The following NMD3 variants were observed in gnomAD, a reference collection of about 807,000 sequenced individuals.
NMD3 encodes the protein NMD3 ribosome export adaptor.
A neutral mutation model predicts 73.1 loss-of-function variants in NMD3; 47 were observed. The ratio of observed to expected loss-of-function variants is 0.64; its 90% CI spans 0.51 to 0.82. The LOEUF (loss-of-function observed/expected upper bound fraction) is 0.82. Ranked by LOEUF, NMD3 falls within the 40% of genes least tolerant of loss-of-function variation. The probability of loss-of-function intolerance (pLI) is 0.00; values close to 1 mark genes in which losing one functional copy is unlikely to be tolerated. For synonymous variants in NMD3, 210 were observed against 194.5 expected (o/e 1.08, Z -0.66); for missense variants, 554 against 612.5 (o/e 0.90, Z 1.01).
intron 10 of NMD3, among the ~76,000 whole-genome samples, chr3:161,241,522 G>A (rs1013475419): frequency 6.6e-6 from 1 of 150,376 alleles, no homozygotes; most frequent in African/African-American, 2.4e-5. Flanking sequence ...CCAGGTTCAA[G>A]CTATTCTCCT....
chr3:161,235,136 A>T lies in NMD3; in HGVS notation c.501A>T (p.Lys167Asn). ...TTATATTTTAGACTTTGCATAAAAAAACTTTCTACTATCTGGAACAGTTAA... is the reference window on the plus strand; with the variant it reads ...TTATATTTTAGACTTTGCATAAAAATACTTTCTACTATCTGGAACAGTTAA... ...IQVRQKTLHK[K>N]TFYYLEQLIL... The change falls in exon 7 of 16, where the codon AAA becomes AAT. Residue 167 changes from lysine to asparagine, a missense_variant. Physicochemically the swap from Lys to Asn is moderately conservative, Grantham distance 94. Transcript: ENST00000351193. The T allele has an allele frequency of 1.3e-6, 2 of 1,516,274 alleles. No homozygotes were observed. The highest frequency in any genetic ancestry group is 1.8e-6 in the Non-Finnish European group (2 of 1,109,096). 93.9% of individuals were successfully genotyped at this position (1,516,274 alleles called of 1,614,324 possible).
At chr3:161,224,242 C>T (rs1211695377) in intron 2 of NMD3, among the ~76,000 whole-genome samples, 1 of 152,138 alleles carries the variant, frequency 6.6e-6, no homozygotes, top group Non-Finnish European at 1.5e-5. Context: ...TTGAGTTTCT[C>T]AGTTGTACTA....
chr3:161,234,062 G>A (rs1736645022), intron 5 of NMD3, among the ~76,000 whole-genome samples: 1 of 152,070 alleles, frequency 6.6e-6, no homozygotes, highest in African/African-American at 2.4e-5. Flanking sequence ...TATTTAAAAA[G>A]CTTCCCATGT....
At chr3:161,241,359 AAC>A (rs1178527851) in intron 10 of NMD3, among the ~76,000 whole-genome samples, 196 bp downstream of exon 10, 7 of 152,114 alleles carry the variant, frequency 4.6e-5, no homozygotes, top group African/African-American at 1.7e-4. Context: ...TATTTAAAGA[AAC>A]AATTCTGTTA....
In NMD3 at chr3:161,246,880, CAA is replaced by C. The variant is rs370618538; in HGVS notation, c.1131-376_1131-375del. 4.1e-3 allele frequency among the ~76,000 whole-genome samples: 627 copies of C among 151,558 alleles called. 5 individuals are homozygous for C. The highest frequency in any genetic ancestry group is 0.015 in the African/African-American group (606 of 41,356). On this transcript the variant is annotated intron_variant, in intron 12 of 15. Transcript: ENST00000351193. The stretch of plus-strand genomic sequence containing the variant: ...TTCAGTGAGTGTGTGATTAAACCCT[CAA>C]ATATTGCTTTTGCTTTTAGGATTTC...
chr3:161,236,535 T>C (rs1301202103), intron 7 of NMD3, among the ~76,000 whole-genome samples: 1 of 152,138 alleles, frequency 6.6e-6, no homozygotes, highest in African/African-American at 2.4e-5. Flanking sequence ...TCTATATTCT[T>C]AATGGTGTCC....
intron 11 of NMD3, among the ~76,000 whole-genome samples, chr3:161,244,390 A>G (rs534290080): frequency 6.6e-6 from 1 of 152,254 alleles, no homozygotes; most frequent in East Asian, 1.9e-4. Flanking sequence ...TGGCCTCCCA[A>G]AGTGTTGGGA....
chr3:161,236,420 AT>A (rs948076648), intron 7 of NMD3, among the ~76,000 whole-genome samples: 24 of 152,016 alleles, frequency 1.6e-4, no homozygotes, highest in Non-Finnish European at 2.9e-5. Flanking sequence ...TTTAATTTCC[AT>A]TTTGCTAATG....
At position 161,246,669 on chromosome 3, in the gene NMD3, G is replaced by A. The variant is rs369690585; in HGVS notation, c.1130+221G>A. ...TTATAATCTTAAAGAGTAATTTGTT[G>A]TAAGATTTTGTTAATTGAGCCTTGA... On this transcript the variant is annotated intron_variant, in intron 12 of 15. Coordinates refer to ENST00000351193, the MANE Select transcript of NMD3 (RefSeq NM_015938.5). 1.2e-3 allele frequency among the ~76,000 whole-genome samples: 179 copies of A among 152,264 alleles called. 3 individuals are homozygous for A. In the South Asian group the frequency reaches 0.036, roughly 31 times the overall value.
intron 2 of NMD3, 21 bp from the exon 3 acceptor site, chr3:161,224,909 T>G (rs199889318): frequency 6.4e-7 from 1 of 1,554,362 alleles, no homozygotes; most frequent in African/African-American, 1.4e-5. Context: ...ATGTGAAAAA[T>G]TTATCCTTTA....
downstream of NMD3, chr3:161,252,896 C>T (rs963361345): frequency 3.7e-5 from 23 of 619,530 alleles, no homozygotes; most frequent in South Asian, 2.7e-4. Flanking sequence ...GCCAGGAGTT[C>T]AAGACCAGCC....
intron 5 of NMD3, among the ~76,000 whole-genome samples, chr3:161,234,480 C>G (rs111740862): frequency 0.024 from 3,581 of 150,598 alleles, 86 homozygotes; most frequent in Middle Eastern, 0.042. Context: ...ACAGAATATT[C>G]TCACAACCAC....
intron 15 of NMD3, 40 bp downstream of exon 15, chr3:161,250,366 A>G: frequency 3.4e-6 from 4 of 1,173,858 alleles, no homozygotes; most frequent in Non-Finnish European, 3.8e-6. Context: ...TGTTCTGTAT[A>G]TAAGTATAGT....
Position 161,249,548 on chromosome 3 carries a change from C to G in NMD3, c.1298C>G (p.Thr433Arg). 1 of 1,598,528 alleles carries G rather than the reference C, an allele frequency of 6.3e-7. No individual in the cohort carries two copies. Among genetic ancestry groups the G allele is most frequent in the Non-Finnish European group, 8.6e-7 (1 of 1,166,406 alleles). Residue 433 changes from threonine to arginine, a missense_variant, in exon 14 of 16, where the codon ACA (threonine) becomes AGA (arginine). Coordinates refer to ENST00000351193, the MANE Select transcript of NMD3 (RefSeq NM_015938.5). Reference sequence around the variant, plus strand: ...GCAAGAGAGAGAGAAAACATGGATACAGATGATGAAAGGTCTCGCTTTTCT... The same window carrying G: ...GCAAGAGAGAGAGAAAACATGGATAGAGATGATGAAAGGTCTCGCTTTTCT... Reference protein sequence around the residue: ...ELARERENMDTDDERQYQDFL... With the variant: ...ELARERENMDRDDERQYQDFL...
Position 161,233,477 on chromosome 3 carries a change from G to A in NMD3, c.355G>A (p.Glu119Lys). The change falls in exon 5 of 16, where the codon GAG becomes AAG. Residue 119 changes from glutamate (E) to lysine (K), a missense_variant and splice_region_variant. By Grantham distance (56) the Glu-to-Lys change is moderately conservative. Transcript: ENST00000351193. ...TAAAGTTAAACTGACTATTCAGAAA[G>A]AGGTAAGCAGTACATAATTTTCTCA... ...RLKVKLTIQK[E>K]VMNGAILQQV... 1 of 1,587,768 alleles carries A rather than the reference G, an allele frequency of 6.3e-7. No individual in the cohort carries two copies. Among genetic ancestry groups the A allele is most frequent in the African/African-American group, 1.3e-5 (1 of 74,454 alleles).
chr3:161,235,344 A>C (rs1256147144), intron 7 of NMD3, 132 bp downstream of exon 7: 5 of 474,752 alleles, frequency 1.1e-5, no homozygotes, highest in South Asian at 4.7e-5. Context: ...AAAAAAAAAA[A>C]AACAACTTAA....
intron 10 of NMD3, among the ~76,000 whole-genome samples, chr3:161,242,241 T>A (rs917653874): frequency 6.6e-6 from 1 of 152,104 alleles, no homozygotes; most frequent in African/African-American, 2.4e-5. Context: ...TTGGCTCTGA[T>A]CTTACTTAAG....
chr3:161,238,559 T>C (rs1242336308), intron 8 of NMD3, among the ~76,000 whole-genome samples, 171 bp from the exon 9 acceptor site: 2 of 152,154 alleles, frequency 1.3e-5, no homozygotes, highest in African/African-American at 4.8e-5. Context: ...GTTAGAATGG[T>C]GAAGGTTTTG....
intron 4 of NMD3, among the ~76,000 whole-genome samples, chr3:161,232,136 CT>C (rs11301799): frequency 0.3 from 29,379 of 96,442 alleles, 3,972 homozygotes; most frequent in African/African-American, 0.47. Context: ...GCCTTTGGGG[CT>C]TTTTTTTTTT....
Sources: allele counts gnomAD v4.1 joint callset (sites outside exome capture counted in the v4.1 genomes callset), GRCh38; gene constraint gnomAD v4.1.1; transcripts MANE v1.5; gene names NCBI Gene and HGNC (gene_info 2026-07-23, HGNC 2026-07-21).